Variants in RUNX2 observed in about 807,000 individuals in gnomAD.
The protein encoded by RUNX2 is RUNX family transcription factor 2.
RUNX2 carries 10 observed loss-of-function variants against 51.7 expected under a neutral mutation model. That is an observed-to-expected ratio of 0.19 (90% CI 0.12 to 0.33). The LOEUF (loss-of-function observed/expected upper bound fraction) is 0.33, where lower values mean the gene tolerates loss of function less well. Ranked by LOEUF, RUNX2 falls within the 10% of genes least tolerant of loss-of-function variation. The pLI, the probability that RUNX2 is intolerant of heterozygous loss-of-function variation, is 1.00. For missense variants in RUNX2, 562 were observed against 691.3 expected (o/e 0.81, Z 2.10); for synonymous variants, 276 against 273.6 (o/e 1.01, Z -0.09).
At chr6:45,343,206 C>T (rs1790169528) in intron 2 of RUNX2, among the ~76,000 whole-genome samples, 1 of 152,164 alleles carries the variant, frequency 6.6e-6, no homozygotes, top group African/African-American at 2.4e-5. Context: ...GACCTGAAAG[C>T]TTGTTAAAAA....
At chr6:45,366,692 A>G (rs555876315) in intron 2 of RUNX2, among the ~76,000 whole-genome samples, 2 of 152,296 alleles carry the variant, frequency 1.3e-5, no homozygotes, top group South Asian at 2.1e-4. Context: ...TAGCTTCTTT[A>G]TAAGTTGAGT....
chr6:45,343,542 CTGAT>C (rs1790255845), intron 2 of RUNX2, among the ~76,000 whole-genome samples: 1 of 151,822 alleles, frequency 6.6e-6, no homozygotes, highest in Non-Finnish European at 1.5e-5. Flanking sequence ...CCCACAATGA[CTGAT>C]TAAGAGAGAA....
chr6:45,422,369 C>A, intron 2 of RUNX2: 1 of 534,730 alleles, frequency 1.9e-6, no homozygotes. Context: ...ACCCGCCAGC[C>A]CGACTGCGCC....
At chr6:45,393,619 G>A (rs914912558) in intron 2 of RUNX2, among the ~76,000 whole-genome samples, 9 of 151,966 alleles carry the variant, frequency 5.9e-5, no homozygotes, top group South Asian at 2.1e-4. Flanking sequence ...TAGTAGAGAC[G>A]GGATTTCACC....
At chr6:45,408,438 A>G (rs1797882953) in intron 2 of RUNX2, among the ~76,000 whole-genome samples, 1 of 152,116 alleles carries the variant, frequency 6.6e-6, no homozygotes, top group African/African-American at 2.4e-5. Context: ...GAAAATTTTC[A>G]GGTCTTGCAG....
At chr6:45,436,329 T>G (rs1390865616) in intron 4 of RUNX2, among the ~76,000 whole-genome samples, 1 of 151,366 alleles carries the variant, frequency 6.6e-6, no homozygotes, top group Non-Finnish European at 1.5e-5. Context: ...TTTTAGGGTC[T>G]GAAAAATGAG....
intron 2 of RUNX2, among the ~76,000 whole-genome samples, chr6:45,397,232 T>C (rs1378071362): frequency 6.6e-6 from 1 of 151,938 alleles, no homozygotes; most frequent in African/African-American, 2.4e-5. Flanking sequence ...GCCTCCCAAG[T>C]AGCTGGGACT....
chr6:45,520,085 G>A (rs769200396), intron 7 of RUNX2, among the ~76,000 whole-genome samples: 19 of 151,910 alleles, frequency 1.3e-4, no homozygotes, highest in Non-Finnish European at 2.6e-4. Context: ...ACCTGCCTTG[G>A]CCTCCCAAAG....
intron 2 of RUNX2, among the ~76,000 whole-genome samples, chr6:45,415,152 A>G (rs1373883094): frequency 1.3e-5 from 2 of 152,208 alleles, no homozygotes; most frequent in Non-Finnish European, 2.9e-5. Flanking sequence ...AAACCTTAGC[A>G]TATCAGTCTA....
intron 2 of RUNX2, among the ~76,000 whole-genome samples, chr6:45,410,762 C>T (rs1797932738): frequency 6.6e-6 from 1 of 152,146 alleles, no homozygotes; most frequent in Non-Finnish European, 1.5e-5. Context: ...GTGCACCGAG[C>T]CTTGGGAACC....
chr6:45,393,927 C>CTT (rs758226180), intron 2 of RUNX2, among the ~76,000 whole-genome samples: 60 of 139,808 alleles, frequency 4.3e-4, no homozygotes, highest in Non-Finnish European at 8.1e-4. Flanking sequence ...GTGCCACTTT[C>CTT]TTTTTTTTTT....
chr6:45,406,983 T>C (rs1452363756), intron 2 of RUNX2, among the ~76,000 whole-genome samples: 1 of 152,202 alleles, frequency 6.6e-6, no homozygotes, highest in African/African-American at 2.4e-5. Flanking sequence ...ATACAATGAA[T>C]ACTTGTGTAG....
At chr6:45,406,520 T>G (rs1166791654) in intron 2 of RUNX2, among the ~76,000 whole-genome samples, 4 of 152,200 alleles carry the variant, frequency 2.6e-5, no homozygotes, top group Non-Finnish European at 5.9e-5. Flanking sequence ...GTTCAAGCGA[T>G]TCTTGTGCCT....
intron 2 of RUNX2, among the ~76,000 whole-genome samples, chr6:45,393,936 T>TTTG (rs1443132826): frequency 6.6e-6 from 1 of 150,848 alleles, no homozygotes; most frequent in Non-Finnish European, 1.5e-5. Flanking sequence ...TCTTTTTTTT[T>TTTG]TTTTTGAGAC....
At chr6:45,391,492 G>A (rs941100881) in intron 2 of RUNX2, among the ~76,000 whole-genome samples, 1 of 152,084 alleles carries the variant, frequency 6.6e-6, no homozygotes, top group Non-Finnish European at 1.5e-5. Context: ...AAATTACCCA[G>A]CCTCAGGTAT....
At chr6:45,485,697 G>GTGTGTGTGTGTATATATATATATA (rs1219072282) in intron 5 of RUNX2, among the ~76,000 whole-genome samples, 2 of 104,030 alleles carry the variant, frequency 1.9e-5, no homozygotes, top group Admixed American at 1.0e-4. Flanking sequence ...GTGTGTGTGT[G>GTGTGTGTGTGTATATATATATATA]TATATATATA....
At chr6:45,373,921 G>A (rs1281835031) in intron 2 of RUNX2, among the ~76,000 whole-genome samples, 1 of 152,144 alleles carries the variant, frequency 6.6e-6, no homozygotes, top group Admixed American at 6.5e-5. Context: ...CACTATCCAT[G>A]CTGTTACACA....
intron 5 of RUNX2, among the ~76,000 whole-genome samples, chr6:45,478,957 G>A (rs1279603442): frequency 2.0e-5 from 3 of 151,590 alleles, no homozygotes; most frequent in Non-Finnish European, 2.9e-5. Context: ...GCACCATCTC[G>A]GCTCACTGCA....
In RUNX2 at chr6:45,501,155, G is replaced by A. The variant is rs1356140364; in HGVS notation, c.859+9041G>A. 2.6e-5 allele frequency among the ~76,000 whole-genome samples: 4 copies of A among 152,234 alleles called. No homozygotes were observed. In the East Asian group the frequency reaches 5.8e-4, roughly 22 times the overall value. ...CCTGTCTTCTCCAGTGCTCTAGCCTGATGCTGCCTCTTGAGAACACAATCC... is the reference window on the plus strand; with the variant it reads ...CCTGTCTTCTCCAGTGCTCTAGCCTAATGCTGCCTCTTGAGAACACAATCC... On this transcript the variant is annotated intron_variant, in intron 6 of 8. Transcript: ENST00000647337.
Sources: gnomAD v4.1 joint callset for allele counts (sites outside exome capture counted in the v4.1 genomes callset) on GRCh38, gnomAD v4.1.1 for gene constraint, MANE v1.5 for transcripts, NCBI Gene and HGNC (gene_info 2026-07-23, HGNC 2026-07-21) for gene names.